Variants in FYN observed in about 807,000 individuals in gnomAD.
The protein encoded by FYN is FYN proto-oncogene, Src family tyrosine kinase.
FYN carries 10 observed loss-of-function variants against 70.2 expected under a neutral mutation model. The ratio of observed to expected loss-of-function variants is 0.14; its 90% CI spans 0.09 to 0.24. The LOEUF (loss-of-function observed/expected upper bound fraction) is 0.24, where lower values mean the gene tolerates loss of function less well. Ranked by LOEUF, FYN falls within the 10% of genes least tolerant of loss-of-function variation. FYN has a pLI of 1.00. For missense variants in FYN, 319 were observed against 673.1 expected (o/e 0.47, Z 5.82); for synonymous variants, 236 against 248.6 (o/e 0.95, Z 0.48).
chr6:111,743,737 G>A (rs1168159798), intron 3 of FYN, among the ~76,000 whole-genome samples: 1 of 152,164 alleles, frequency 6.6e-6, no homozygotes, highest in African/African-American at 2.4e-5. Flanking sequence ...TGATTCCAAT[G>A]GTAACTTTGC....
chr6:111,761,885 C>T (rs923965187), intron 3 of FYN, among the ~76,000 whole-genome samples: 1 of 152,198 alleles, frequency 6.6e-6, no homozygotes, highest in Non-Finnish European at 1.5e-5. Flanking sequence ...AGGCTATCTG[C>T]ATCCAATCAT....
intron 2 of FYN, among the ~76,000 whole-genome samples, chr6:111,804,996 G>T (rs1329320289): frequency 1.3e-5 from 2 of 151,500 alleles, no homozygotes; most frequent in Non-Finnish European, 2.9e-5. Context: ...CTAACCCAGG[G>T]GTTAACCTCC....
At chr6:111,754,970 T>C (rs890253018) in intron 3 of FYN, among the ~76,000 whole-genome samples, 1 of 71,534 alleles carries the variant, frequency 1.4e-5, no homozygotes, top group Non-Finnish European at 3.7e-5. Context: ...TTTAAGCTGT[T>C]TTTTTTTTTT....
At chr6:111,824,903 G>T (rs1583473354) in intron 2 of FYN, among the ~76,000 whole-genome samples, 1 of 152,280 alleles carries the variant, frequency 6.6e-6, no homozygotes, top group South Asian at 2.1e-4. Context: ...TTGTCAAAAA[G>T]AATCTTTATT....
rs749390587 is a variant in FYN, at chr6:111,702,843, C to T, written c.697+42G>A. 21 of 1,600,842 alleles carry T rather than the reference C, an allele frequency of 1.3e-5. No homozygotes were observed. The African/African-American group carries it at 1.9e-4, about 14-fold the overall frequency. On this transcript the variant is annotated intron_variant, in intron 8 of 13. Transcript: ENST00000354650. ...CCTGCTCTGGGCCTATCCACTCCCT[C>T]CAGCATCCAAATGGTTAGTAGGTAG...
chr6:111,703,763 T>A (rs1794786), intron 7 of FYN, among the ~76,000 whole-genome samples: 12,744 of 152,260 alleles, frequency 0.084, 1,697 homozygotes, highest in African/African-American at 0.28. Context: ...TGGAGCAGTG[T>A]AGCTGCATCC....
At chr6:111,854,009 T>C (rs1290931515) in intron 1 of FYN, among the ~76,000 whole-genome samples, 1 of 152,222 alleles carries the variant, frequency 6.6e-6, no homozygotes. Flanking sequence ...AGGTTGACAG[T>C]GTCCTTCCCT....
At chr6:111,668,525 A>C (rs1798111997) in intron 13 of FYN, among the ~76,000 whole-genome samples, 1 of 151,770 alleles carries the variant, frequency 6.6e-6, no homozygotes, top group African/African-American at 2.4e-5. Flanking sequence ...AAAGGAGTGA[A>C]AAAGAGAGGC....
intron 1 of FYN, chr6:111,858,316 C>T (rs1032486074): frequency 6.6e-6 from 1 of 152,198 alleles, no homozygotes; most frequent in African/African-American, 2.4e-5. Context: ...TCAATAACCC[C>T]GTAAGCAGAA....
At chr6:111,808,857 C>T (rs933908732) in intron 2 of FYN, among the ~76,000 whole-genome samples, 4 of 152,152 alleles carry the variant, frequency 2.6e-5, no homozygotes, top group Non-Finnish European at 4.4e-5. Context: ...CCAGAGAAGT[C>T]GTTCAACAAT....
At chr6:111,774,808 T>A (rs940933484) in intron 3 of FYN, among the ~76,000 whole-genome samples, 2 of 152,076 alleles carry the variant, frequency 1.3e-5, no homozygotes, top group Non-Finnish European at 2.9e-5. Context: ...AACCTCCACC[T>A]CCCAGGTTCA....
chr6:111,777,793 G>A (rs1771010401), intron 3 of FYN, among the ~76,000 whole-genome samples: 1 of 152,074 alleles, frequency 6.6e-6, no homozygotes, highest in Non-Finnish European at 1.5e-5. Context: ...ATGAAAAATC[G>A]GAATCTGTGA....
At chr6:111,823,068 GATT>G (rs1378079518) in intron 2 of FYN, among the ~76,000 whole-genome samples, 2 of 152,240 alleles carry the variant, frequency 1.3e-5, no homozygotes, top group Non-Finnish European at 2.9e-5. Context: ...GAGCAAGTGA[GATT>G]ATGTCCCTCT....
chr6:111,847,428 G>A (rs1166632776), intron 1 of FYN, among the ~76,000 whole-genome samples: 6 of 152,194 alleles, frequency 3.9e-5, no homozygotes, highest in Non-Finnish European at 7.3e-5. Flanking sequence ...TAAAGCTGCA[G>A]TTTTAATAAA....
At chr6:111,743,918 A>C (rs1261606954) in intron 3 of FYN, among the ~76,000 whole-genome samples, 1 of 152,218 alleles carries the variant, frequency 6.6e-6, no homozygotes, top group Non-Finnish European at 1.5e-5. Context: ...ATAGAAAAAA[A>C]GTGGCCTGAA....
At chr6:111,691,580 C>T (rs912191683) in intron 12 of FYN, among the ~76,000 whole-genome samples, 6 of 152,208 alleles carry the variant, frequency 3.9e-5, no homozygotes, top group Non-Finnish European at 8.8e-5. Flanking sequence ...CACCAGCAGA[C>T]ACACACCAGG....
intron 2 of FYN, among the ~76,000 whole-genome samples, chr6:111,821,472 C>T (rs1772660319): frequency 6.6e-6 from 1 of 152,064 alleles, no homozygotes; most frequent in Non-Finnish European, 1.5e-5. Context: ...ACACCTTATA[C>T]AAAAATTAAT....
chr6:111,754,321 G>A (rs192179022), intron 3 of FYN: 96 of 152,170 alleles, frequency 6.3e-4, no homozygotes, highest in African/African-American at 2.3e-3. Flanking sequence ...GCCAACTCCC[G>A]GCATGCACAG....
intron 13 of FYN, 106 bp downstream of exon 13, chr6:111,674,393 A>G: frequency 7.9e-7 from 1 of 1,260,280 alleles, no homozygotes; most frequent in Non-Finnish European, 1.1e-6. Flanking sequence ...CAAGCTCAGC[A>G]GAAAGCTGAG....
Sources: allele counts gnomAD v4.1 joint callset (sites outside exome capture counted in the v4.1 genomes callset), GRCh38; gene constraint gnomAD v4.1.1; transcripts MANE v1.5; gene names NCBI Gene and HGNC (gene_info 2026-07-23, HGNC 2026-07-21).